Variants in HMBOX1 observed in about 807,000 individuals in gnomAD.
HMBOX1 encodes the protein homeobox-containing protein 1.
In HMBOX1, 14 loss-of-function variants were observed where a neutral mutation model predicts 54.5. The ratio of observed to expected loss-of-function variants is 0.26; its 90% CI spans 0.17 to 0.40. The LOEUF (loss-of-function observed/expected upper bound fraction) is 0.40. Among genes scored for constraint, HMBOX1 ranks in the 10% least tolerant of loss-of-function variants. The pLI is 1.00. For missense variants in HMBOX1, 332 were observed against 514.4 expected, an observed-to-expected ratio of 0.65 and a Z score of 3.43; for synonymous variants, 160 against 181.0, an observed-to-expected ratio of 0.88 and a Z score of 0.93.
chr8:29,041,458 G>C (rs1804808670), intron 6 of HMBOX1, among the ~76,000 whole-genome samples: 1 of 152,180 alleles, frequency 6.6e-6, no homozygotes, highest in Non-Finnish European at 1.5e-5. Flanking sequence ...TATCATTAGT[G>C]GGGAGCGCGT....
chr8:29,023,955 G>A (rs781306635), intron 6 of HMBOX1, among the ~76,000 whole-genome samples: 14 of 152,184 alleles, frequency 9.2e-5, no homozygotes, highest in Non-Finnish European at 1.9e-4. Flanking sequence ...ATTCTGAAGT[G>A]TAGGCTGGAC....
intron 4 of HMBOX1, among the ~76,000 whole-genome samples, chr8:29,003,555 A>AAAATATATATATAT (rs1554567241): frequency 1.4e-5 from 1 of 71,312 alleles, no homozygotes; most frequent in African/African-American, 5.2e-5. Context: ...TTCTGTATTA[A>AAAATATATATATAT]ATATATATAT....
intron 1 of HMBOX1, among the ~76,000 whole-genome samples, chr8:28,934,924 C>CG (rs1820131509): frequency 8.8e-6 from 1 of 113,494 alleles, no homozygotes; most frequent in Non-Finnish European, 2.0e-5. Context: ...GAGACTCCGT[C>CG]TCAAAAAAAA....
chr8:28,974,037 C>T (rs1827975958), intron 3 of HMBOX1, among the ~76,000 whole-genome samples: 1 of 151,972 alleles, frequency 6.6e-6, no homozygotes, highest in Non-Finnish European at 1.5e-5. Context: ...TGGTCTCAAA[C>T]TCCTGGCCTC....
At chr8:29,014,679 CT>C (rs967838652) in intron 5 of HMBOX1, among the ~76,000 whole-genome samples, 4 of 152,034 alleles carry the variant, frequency 2.6e-5, no homozygotes, top group African/African-American at 7.2e-5. Flanking sequence ...GTCTTGATTT[CT>C]TTTTTTTCCC....
chr8:28,938,753 G>A (rs1424166641), intron 1 of HMBOX1, among the ~76,000 whole-genome samples: 1 of 148,896 alleles, frequency 6.7e-6, no homozygotes, highest in Non-Finnish European at 1.5e-5. Context: ...CTGGCCAGGG[G>A]TATCTTTTCA....
intron 6 of HMBOX1, among the ~76,000 whole-genome samples, chr8:29,020,037 T>C (rs1274110367): frequency 1.3e-5 from 2 of 152,208 alleles, no homozygotes; most frequent in African/African-American, 2.4e-5. Flanking sequence ...AGCCATTTAT[T>C]GAATAATGAA....
At chr8:29,028,179 A>C (rs1802373950) in intron 6 of HMBOX1, among the ~76,000 whole-genome samples, 1 of 152,232 alleles carries the variant, frequency 6.6e-6, no homozygotes, top group African/African-American at 2.4e-5. Flanking sequence ...TAAGCATCTA[A>C]AAATGAGGTC....
chr8:28,996,693 C>G (rs964782008), intron 4 of HMBOX1, among the ~76,000 whole-genome samples: 1 of 152,158 alleles, frequency 6.6e-6, no homozygotes. Context: ...CCAAATCATG[C>G]AGATTTACAT....
chr8:28,890,256 G>A (rs1810600936), upstream of HMBOX1: 1 of 193,886 alleles, frequency 5.2e-6, no homozygotes, highest in African/African-American at 2.3e-5. Flanking sequence ...CCTCCCAAAG[G>A]GAAGGCGGAT....
chr8:28,983,399 C>A (rs1829706126), intron 4 of HMBOX1, among the ~76,000 whole-genome samples: 1 of 152,166 alleles, frequency 6.6e-6, no homozygotes, highest in South Asian at 2.1e-4. Context: ...GCCAAAGATA[C>A]CTTTCACCTC....
intron 6 of HMBOX1, among the ~76,000 whole-genome samples, chr8:29,041,059 G>A (rs1258272914): frequency 3.3e-5 from 5 of 152,100 alleles, no homozygotes; most frequent in South Asian, 2.1e-4. Context: ...ATCATTAAAC[G>A]AGTTCTTAAA....
intron 1 of HMBOX1, among the ~76,000 whole-genome samples, chr8:28,895,962 A>G (rs548738309): frequency 1.3e-5 from 2 of 152,288 alleles, no homozygotes; most frequent in South Asian, 4.1e-4. Context: ...ATAAAATGTG[A>G]ATTTGATTGT....
intron 1 of HMBOX1, among the ~76,000 whole-genome samples, chr8:28,931,469 A>G (rs562025085): frequency 6.6e-6 from 1 of 152,322 alleles, no homozygotes; most frequent in South Asian, 2.1e-4. Context: ...TTCCATTAAT[A>G]GGGAGCTTGA....
At chr8:28,969,297 G>A (rs1368782303) in intron 2 of HMBOX1, among the ~76,000 whole-genome samples, 2 of 152,194 alleles carry the variant, frequency 1.3e-5, no homozygotes, top group Non-Finnish European at 2.9e-5. Context: ...GTAGTATCTT[G>A]TGCTAGTTAA....
At chr8:28,993,080 AT>A (rs1460247523) in intron 4 of HMBOX1, among the ~76,000 whole-genome samples, 1 of 151,644 alleles carries the variant, frequency 6.6e-6, no homozygotes, top group African/African-American at 2.4e-5. Context: ...ATGATTCCAT[AT>A]TGGTATATAA....
intron 1 of HMBOX1, among the ~76,000 whole-genome samples, chr8:28,898,110 C>T (rs540201972): frequency 5.3e-5 from 8 of 152,228 alleles, no homozygotes; most frequent in Non-Finnish European, 8.8e-5. Context: ...CAGACAACAA[C>T]GGAAGTCTGC....
At chr8:28,928,046 A>G (rs925811339) in intron 1 of HMBOX1, among the ~76,000 whole-genome samples, 12 of 151,760 alleles carry the variant, frequency 7.9e-5, no homozygotes, top group African/African-American at 2.9e-4. Context: ...GAGGCAGGAG[A>G]ATCACTTGAA....
chr8:28,936,799 T>TA (rs58487085), intron 1 of HMBOX1, among the ~76,000 whole-genome samples: 26,069 of 128,884 alleles, frequency 0.2, 2,871 homozygotes, highest in East Asian at 0.48. Context: ...ACCAGAGGGT[T>TA]AAAAAAAAAA....
Sources: allele counts gnomAD v4.1 joint callset (sites outside exome capture counted in the v4.1 genomes callset), GRCh38; gene constraint gnomAD v4.1.1; transcripts MANE v1.5; gene names NCBI Gene and HGNC (gene_info 2026-07-23, HGNC 2026-07-21).